Variants in SIPA1 observed in about 807,000 individuals in gnomAD.
SIPA1 encodes the protein signal-induced proliferation-associated 1.
SIPA1 carries 51 observed loss-of-function variants against 88.1 expected under a neutral mutation model. That is an observed-to-expected ratio of 0.58 (90% CI 0.46 to 0.73). SIPA1 has a LOEUF of 0.73. Ranked by LOEUF, SIPA1 falls within the 30% of genes least tolerant of loss-of-function variation. The pLI is 0.00. For synonymous variants in SIPA1, 681 were observed against 664.8 expected (o/e 1.02, Z -0.37); for missense variants, 1,348 against 1,467.6 (o/e 0.92, Z 1.33).
intron 4 of SIPA1, among the ~76,000 whole-genome samples, chr11:65,643,315 C>G (rs974220405): frequency 6.6e-6 from 1 of 152,232 alleles, no homozygotes. Context: ...CCAATTTCCC[C>G]CACAGCCCCT....
In SIPA1 at chr11:65,647,566, C is replaced by A. The variant is rs762306685; in HGVS notation, c.2214C>A (p.Ser738Arg). 1 of 1,334,216 alleles carries A rather than the reference C, an allele frequency of 7.5e-7. No individual in the cohort carries two copies. Among genetic ancestry groups the A allele is most frequent in the Non-Finnish European group, 9.6e-7 (1 of 1,044,712 alleles). 82.6% of individuals were successfully genotyped at this position (1,334,216 alleles called of 1,614,324 possible). ...GCGTGTGCGGCCAGACTCTGCCCAG[C>A]CTCCGGCCCGAGGCCGCTGCCCAGC... ...LLRVCGQTLPSLRPEAAAQLL... is the reference protein window; with the variant it reads ...LLRVCGQTLPRLRPEAAAQLL... Residue 738 changes from serine (S) to arginine (R), a missense_variant, in exon 9 of 16, where the codon AGC (serine) becomes AGA (arginine). By Grantham distance (110) the Ser-to-Arg change is moderately radical. This residue lies in a region of SIPA1 where 615 missense variants were observed against 559.8 expected (regional missense o/e 1.10). Transcript: ENST00000534313.
At position 65,642,310 on chromosome 11, in the gene SIPA1, GGGA is replaced by G. The variant is rs1424114558; in HGVS notation, c.745_747del (p.Glu249del). The G allele has an allele frequency of 1.9e-6, 3 of 1,549,678 alleles. No individual in the cohort carries two copies. Among genetic ancestry groups the G allele is most frequent in the Non-Finnish European group, 2.6e-6 (3 of 1,148,526 alleles). Reference sequence around the variant, plus strand: ...GGCCCGGTGGCAGTGAGCCTGCGGCGGGAGGAGAAGGAGGGCAGCGGAGGGGGC... The same window carrying G: ...GGCCCGGTGGCAGTGAGCCTGCGGCGGGAGAAGGAGGGCAGCGGAGGGGGC... On this transcript the variant is annotated inframe_deletion, in exon 3 of 16. Transcript: ENST00000534313. The surrounding 1 kb of genome is among the most constrained non-coding windows in gnomAD (Gnocchi z 6.5).
At chr11:65,638,775 G>A (rs1855947076) in intron 1 of SIPA1, among the ~76,000 whole-genome samples, 1 of 152,232 alleles carries the variant, frequency 6.6e-6, no homozygotes, top group South Asian at 2.1e-4. Context: ...AGGGTGGGGG[G>A]CAGAGCCCGA....
At chr11:65,649,136 A>T (rs146816877) in intron 9 of SIPA1, 126 bp from the exon 10 acceptor site, 13 of 668,704 alleles carry the variant, frequency 1.9e-5, no homozygotes, top group Admixed American at 6.3e-5. Context: ...GACATTTTTC[A>T]CTGTTGTCAG....
At chr11:65,638,737 A>G (rs570368343) in intron 1 of SIPA1, among the ~76,000 whole-genome samples, 2 of 152,154 alleles carry the variant, frequency 1.3e-5, no homozygotes, top group Non-Finnish European at 2.9e-5. Flanking sequence ...GGAATGTCCT[A>G]GCCTCAATGG....
At chr11:65,650,277 T>G (rs1856237215) in intron 14 of SIPA1, 85 bp downstream of exon 14, 1 of 1,547,996 alleles carries the variant, frequency 6.5e-7, no homozygotes, top group Non-Finnish European at 8.9e-7. Flanking sequence ...AGCTCTGTCC[T>G]GGGCTCTGCT....
Position 65,647,017 on chromosome 11 carries a change from C to A in SIPA1, c.1983C>A (p.Phe661Leu). 1 of 1,540,248 alleles carries A rather than the reference C, an allele frequency of 6.5e-7. No homozygotes were observed. Among genetic ancestry groups the A allele is most frequent in the Admixed American group, 2.0e-5 (1 of 50,914 alleles). The change falls in exon 8 of 16, where the codon TTC becomes TTA. Residue 661 changes from phenylalanine to leucine, a missense_variant. By Grantham distance (22) the Phe-to-Leu change is conservative (BLOSUM62 0). Coordinates refer to ENST00000534313, the MANE Select transcript of SIPA1 (RefSeq NM_006747.4). ...HGRGEAITLR[F>L]DGSPGQAVGE... ...GCGGGGAGGCGATCACGCTGCGCTT[C>A]GACGGGTCCCCCGGCCAAGCCGTGG...
chr11:65,641,235 C>G lies in SIPA1; in HGVS notation c.314C>G (p.Pro105Arg). 2.5e-6 allele frequency: 4 copies of G among 1,613,270 alleles called. No individual in the cohort carries two copies. The highest frequency in any genetic ancestry group is 3.4e-6 in the Non-Finnish European group (4 of 1,180,018). Residue 105 changes from proline (P) to arginine (R), a missense_variant, in exon 2 of 16, where the codon CCT becomes CGT. By Grantham distance (103) the Pro-to-Arg change is moderately radical. Coordinates refer to ENST00000534313, the MANE Select transcript of SIPA1 (RefSeq NM_006747.4). ...LLGLPAEEPE[P>R]AFPPVLEPRW... is the part of the protein sequence containing the mutation. ...GGGCTGCCAGCAGAGGAACCAGAGC[C>G]TGCCTTCCCACCAGTGCTTGAGCCT...
At chr11:65,639,987 G>A (rs1345838164) in intron 1 of SIPA1, 1 of 152,256 alleles carries the variant, frequency 6.6e-6, no homozygotes, top group Non-Finnish European at 1.5e-5. Context: ...TGTCACATGG[G>A]GTTCAGACCT....
intron 2 of SIPA1, among the ~76,000 whole-genome samples, chr11:65,641,872 A>G (rs1369219944): frequency 6.6e-6 from 1 of 152,134 alleles, no homozygotes; most frequent in Non-Finnish European, 1.5e-5. Flanking sequence ...GGCTGGGGAG[A>G]GATTCCCTAT....
rs759917012 is a variant in SIPA1, at chr11:65,641,257, G to C, written c.336G>C (p.Glu112Asp). 2.0e-5 allele frequency: 33 copies of C among 1,613,438 alleles called. No homozygotes were observed. Among genetic ancestry groups the C allele is most frequent in the Non-Finnish European group, 2.5e-5 (30 of 1,180,034 alleles). The change falls in exon 2 of 16, where the codon GAG becomes GAC. Residue 112 changes from glutamate to aspartate, a missense_variant. Physicochemically the swap from Glu to Asp is conservative, Grantham distance 45. Transcript: ENST00000534313. ...AGCCTGCCTTCCCACCAGTGCTTGA[G>C]CCTCGATGGTTTGCCCACTATGACG... ...EPEPAFPPVL[E>D]PRWFAHYDVQ...
chr11:65,646,084 C>T lies in SIPA1; in HGVS notation c.1263+127C>T, dbSNP rs780768053. The T allele has an allele frequency of 4.1e-5, 54 of 1,313,084 alleles. No individual in the cohort carries two copies. Among genetic ancestry groups the T allele is most frequent in the Non-Finnish European group, 5.7e-5 (53 of 937,254 alleles). The allele number at this position is 1,313,084 out of a possible 1,614,324, so 81.3% of individuals were successfully genotyped here. ...CAGCCCGCCCCTCTGGTGGCCCCTTCCCAAAGACAGAAACACCCTAGGTCT... is the reference window on the plus strand; with the variant it reads ...CAGCCCGCCCCTCTGGTGGCCCCTTTCCAAAGACAGAAACACCCTAGGTCT... On this transcript the variant is annotated intron_variant, in intron 6 of 15. Transcript: ENST00000534313. The surrounding 1 kb of genome is among the most constrained non-coding windows in gnomAD (Gnocchi z 7.5).
chr11:65,641,261 C>G lies in SIPA1; in HGVS notation c.340C>G (p.Arg114Gly). Residue 114 changes from arginine to glycine, a missense_variant, in exon 2 of 16, where the codon CGA (arginine) becomes GGA (glycine). Physicochemically the swap from Arg to Gly is moderately radical, Grantham distance 125 (BLOSUM62 -2). Around this residue, in one of 4 missense-constraint regions of SIPA1, gnomAD observed 641 missense variants for 797.7 expected, o/e 0.80. Transcript: ENST00000534313. ...TGCCTTCCCACCAGTGCTTGAGCCT[C>G]GATGGTTTGCCCACTATGACGTGCA... ...EPAFPPVLEPRWFAHYDVQSL... is the reference protein window; with the variant it reads ...EPAFPPVLEPGWFAHYDVQSL... The G allele has an allele frequency of 6.2e-7, 1 of 1,613,572 alleles. No homozygotes were observed. Among genetic ancestry groups the G allele is most frequent in the Non-Finnish European group, 8.5e-7 (1 of 1,180,024 alleles).
In SIPA1 at chr11:65,646,371, A is replaced by C. The variant is rs1856114603; in HGVS notation, c.1414A>C (p.Thr472Pro). The C allele has an allele frequency of 6.2e-7, 1 of 1,610,678 alleles. No individual in the cohort carries two copies. The highest frequency in any genetic ancestry group is 1.3e-5 in the African/African-American group (1 of 74,868). ...ACACACACCCTGCACGCCACACACCACCTACAGGTGGGCACCGGAGTGGTC... is the reference window on the plus strand; with the variant it reads ...ACACACACCCTGCACGCCACACACCCCCTACAGGTGGGCACCGGAGTGGTC... ...RAHTPCTPHT[T>P]YRVAVSRTQD... is the part of the protein sequence containing the mutation. Residue 472 changes from threonine (T) to proline (P), a missense_variant, in exon 7 of 16, where the codon ACC becomes CCC. Coordinates refer to ENST00000534313, the MANE Select transcript of SIPA1 (RefSeq NM_006747.4). The surrounding 1 kb of genome is among the most constrained non-coding windows in gnomAD (Gnocchi z 7.5).
rs147314561 is a variant in SIPA1, at chr11:65,643,091, T to A, written c.984+452T>A. Among the ~76,000 whole-genome samples the A allele has an allele frequency of 5.6e-3, 854 of 152,152 alleles. 12 individuals are homozygous for A. The highest frequency in any genetic ancestry group is 0.02 in the African/African-American group (815 of 41,490). Reference sequence around the variant, plus strand: ...CCACCACGCCCAGCTAATTTTTGTATTTGTAGTAGAGATGGGGGTTTTACC... The same window carrying A: ...CCACCACGCCCAGCTAATTTTTGTAATTGTAGTAGAGATGGGGGTTTTACC... On this transcript the variant is annotated intron_variant, in intron 4 of 15. Transcript: ENST00000534313.
intron 9 of SIPA1, 109 bp from the exon 10 acceptor site, chr11:65,649,152 CG>C: frequency 2.7e-6 from 2 of 749,976 alleles, no homozygotes; most frequent in East Asian, 2.8e-5. Context: ...GTCAGGATGC[CG>C]GGGAGCTCTC....
Position 65,646,776 on chromosome 11 carries a change from T to A in SIPA1, c.1742T>A (p.Leu581Gln). ...PGAELQAAGS[L>Q]VWGVRAAPGA... ...GCCGAGCTGCAGGCAGCGGGCTCAC[T>A]GGTGTGGGGAGTGCGCGCGGCGCCC... The change falls in exon 8 of 16, where the codon CTG (leucine) becomes CAG (glutamine). Residue 581 changes from leucine (L) to glutamine (Q), a missense_variant. Leu to Gln is a moderately radical substitution (Grantham distance 113). This residue lies in a region of SIPA1 where 68 missense variants were observed against 59.0 expected (regional missense o/e 1.15). Transcript: ENST00000534313. This position sits in a 1 kb window ranked among gnomAD's most constrained non-coding sequence, Gnocchi z 7.5. 7.0e-7 allele frequency: 1 copy of A among 1,426,392 alleles called. No homozygotes were observed. Among genetic ancestry groups the A allele is most frequent in the South Asian group, 1.4e-5 (1 of 69,868 alleles). The allele number at this position is 1,426,392 out of a possible 1,614,324, so 88.4% of individuals were successfully genotyped here. A position where few individuals can be genotyped will look rare whatever the true frequency, so the allele number is the denominator to read the frequency against.
At chr11:65,650,324 A>AT in intron 14 of SIPA1, 77 bp from the exon 15 acceptor site, 1 of 1,563,608 alleles carries the variant, frequency 6.4e-7, no homozygotes, top group Non-Finnish European at 8.8e-7. Context: ...GGCCCCTCTC[A>AT]TTAGCTGGGG....
intron 4 of SIPA1, 39 bp from the exon 5 acceptor site, chr11:65,644,916 A>C: frequency 1.3e-6 from 2 of 1,580,310 alleles, no homozygotes; most frequent in East Asian, 2.2e-5. Context: ...GTGGGGCTGC[A>C]GGGGACTGAG....
Sources: gnomAD v4.1 joint callset for allele counts (sites outside exome capture counted in the v4.1 genomes callset) on GRCh38, gnomAD v4.1.1 for gene constraint, gnomAD v4.1.1 regional missense constraint, Gnocchi (gnomAD v3.1) non-coding constraint, MANE v1.5 for transcripts, NCBI Gene and HGNC (gene_info 2026-07-23, HGNC 2026-07-21) for gene names.